The following PLXDC1 variants were observed in gnomAD, a reference collection of about 807,000 sequenced individuals.
The protein encoded by PLXDC1 is plexin domain containing 1.
PLXDC1 carries 39 observed loss-of-function variants against 61.3 expected under a neutral mutation model. That is an observed-to-expected ratio of 0.64 (90% confidence interval 0.49 to 0.83). The LOEUF (loss-of-function observed/expected upper bound fraction) is 0.83. PLXDC1 is among the 40% of genes least tolerant of loss of function. PLXDC1 has a pLI of 0.00. For synonymous variants in PLXDC1, 212 were observed against 254.5 expected, an observed-to-expected ratio of 0.83 and a Z score of 1.59; for missense variants, 596 against 666.5, an observed-to-expected ratio of 0.89 and a Z score of 1.17.
At chr17:39,137,726 C>A (rs928347571) in intron 2 of PLXDC1, among the ~76,000 whole-genome samples, 2 of 152,058 alleles carry the variant, frequency 1.3e-5, no homozygotes, top group African/African-American at 4.8e-5. Flanking sequence ...AAGGATGAAG[C>A]AGGAAAGAGA....
chr17:39,129,688 A>AAAAGAAAGAAAGAAAGAAGGAAAGAAAG (rs1597656686), intron 2 of PLXDC1, among the ~76,000 whole-genome samples: 8 of 65,024 alleles, frequency 1.2e-4, no homozygotes, highest in Non-Finnish European at 1.7e-4. Context: ...AGGGAGAAAG[A>AAAAGAAAGAAAGAAAGAAGGAAAGAAAG]AAAGAAAGAA....
intron 2 of PLXDC1, among the ~76,000 whole-genome samples, chr17:39,136,342 C>T (rs1355810900): frequency 6.6e-6 from 1 of 152,162 alleles, no homozygotes; most frequent in Non-Finnish European, 1.5e-5. Context: ...ATAGAGAATA[C>T]TTCAATGCAA....
intron 7 of PLXDC1, among the ~76,000 whole-genome samples, chr17:39,097,869 T>G (rs1237984212): frequency 6.8e-6 from 1 of 147,120 alleles, no homozygotes; most frequent in Non-Finnish European, 1.5e-5. Flanking sequence ...GCTACTGCAC[T>G]TCGGCCTGAG....
chr17:39,148,443 C>T (rs2045354624), intron 1 of PLXDC1, among the ~76,000 whole-genome samples: 1 of 150,950 alleles, frequency 6.6e-6, no homozygotes, highest in Non-Finnish European at 1.5e-5. Context: ...TGCAGTGGTG[C>T]GATCTCAGCT....
chr17:39,086,749 C>G (rs1909753921), intron 8 of PLXDC1, among the ~76,000 whole-genome samples: 1 of 148,402 alleles, frequency 6.7e-6, no homozygotes, highest in African/African-American at 2.5e-5. Flanking sequence ...GTAATCCCAG[C>G]TACTTGGGAG....
chr17:39,077,974 G>C lies in PLXDC1; in HGVS notation c.1125C>G (p.Pro375=). ...DSASPDTSFS[P]YDGDLTTTSS... is the part of the protein sequence containing the mutation. ...AGGTAGTGGTGAGGTCTCCATCATA[G>C]GGGCTGAAGGAAGTGTCAGGGGAGG... The change falls in exon 11 of 14, where the codon CCC becomes CCG. Residue 375 remains proline, a synonymous_variant. Transcript: ENST00000315392. 1 of 1,613,898 alleles carries C rather than the reference G, an allele frequency of 6.2e-7. No individual in the cohort carries two copies. Among genetic ancestry groups the C allele is most frequent in the Admixed American group, 1.7e-5 (1 of 60,008 alleles).
chr17:39,130,235 T>C (rs1911514791), intron 2 of PLXDC1, among the ~76,000 whole-genome samples: 1 of 152,288 alleles, frequency 6.6e-6, no homozygotes, highest in South Asian at 2.1e-4. Flanking sequence ...GGAGGATCAC[T>C]TGCGTCCAGG....
At chr17:39,149,287 T>C (rs534259395) in intron 1 of PLXDC1, among the ~76,000 whole-genome samples, 9 of 152,262 alleles carry the variant, frequency 5.9e-5, no homozygotes, top group African/African-American at 2.2e-4. Flanking sequence ...CTAGCATCTC[T>C]TCAGGTCCTG....
upstream of PLXDC1, among the ~76,000 whole-genome samples, chr17:39,152,199 C>G (rs1235213898): frequency 2.0e-5 from 3 of 150,578 alleles, no homozygotes; most frequent in Admixed American, 2.0e-4. Context: ...CCATTTCCAG[C>G]ACCGATTTGC....
In PLXDC1 at chr17:39,079,213, C is replaced by G. The variant is rs763587362; in HGVS notation, c.990-49G>C. 23 of 1,516,574 alleles carry G rather than the reference C, an allele frequency of 1.5e-5. No individual in the cohort carries two copies. The African/African-American group carries it at 2.3e-4, about 15-fold the overall frequency. 93.9% of individuals were successfully genotyped at this position (1,516,574 alleles called of 1,614,324 possible). A position where few individuals can be genotyped will look rare whatever the true frequency, so the allele number is the denominator to read the frequency against. ...AGTTATGATGGGATTGACAAAGAAG[C>G]CTTCCCCTTTCACTGTTCAGTAACA... is the stretch of plus-strand genomic sequence containing the variant. On this transcript the variant is annotated intron_variant, in intron 9 of 13. Transcript: ENST00000315392.
chr17:39,152,509 C>A, upstream of PLXDC1: 1 of 1,233,568 alleles, frequency 8.1e-7, no homozygotes, highest in South Asian at 4.0e-5. Flanking sequence ...GGAATCAGGT[C>A]AGGACACGAA....
chr17:39,140,817 T>G (rs528664471), intron 1 of PLXDC1, among the ~76,000 whole-genome samples: 3 of 152,334 alleles, frequency 2.0e-5, no homozygotes, highest in Admixed American at 6.5e-5. Context: ...CTATTGACAT[T>G]TGGACTGGAT....
intron 9 of PLXDC1, chr17:39,080,890 G>A (rs1909532540): frequency 6.6e-6 from 1 of 152,648 alleles, no homozygotes; most frequent in African/African-American, 2.4e-5. Context: ...CATAGTCTCT[G>A]AATTTGGGCA....
At chr17:39,108,363 C>G in intron 4 of PLXDC1, 118 bp from the exon 5 acceptor site, 2 of 1,069,962 alleles carry the variant, frequency 1.9e-6, no homozygotes, top group Admixed American at 1.9e-5. Flanking sequence ...AGCCTGAGAC[C>G]TCTGTCGCCC....
At chr17:39,107,638 G>T in intron 5 of PLXDC1, 113 bp from the exon 6 acceptor site, 2 of 805,866 alleles carry the variant, frequency 2.5e-6, no homozygotes, top group Non-Finnish European at 4.4e-6. Context: ...CGGGATGATG[G>T]GGAAGTTTGC....
In PLXDC1 at chr17:39,067,885, G is replaced by C; in HGVS notation, c.1458C>G (p.Pro486=). 6.2e-7 allele frequency: 1 copy of C among 1,613,854 alleles called. No individual in the cohort carries two copies. Among genetic ancestry groups the C allele is most frequent in the South Asian group, 1.1e-5 (1 of 91,074 alleles). Reference sequence around the variant, plus strand: ...TGAAGCCCTCCTTCTCATGGCCCGAGGGCTCCACCTCCGCATAGGTGGAAT... The same window carrying C: ...TGAAGCCCTCCTTCTCATGGCCCGACGGCTCCACCTCCGCATAGGTGGAAT... ...PDHSTYAEVE[P]SGHEKEGFME... Residue 486 remains proline, a synonymous_variant, in exon 14 of 14, where the codon CCC becomes CCG. Transcript: ENST00000315392.
At chr17:39,076,770 C>G (rs1909354545) in intron 11 of PLXDC1, among the ~76,000 whole-genome samples, 2 of 152,078 alleles carry the variant, frequency 1.3e-5, no homozygotes, top group African/African-American at 4.8e-5. Context: ...GGGTCTTGCC[C>G]TGCCACCCAG....
chr17:39,150,862 G>A (rs2045367932), intron 1 of PLXDC1, among the ~76,000 whole-genome samples: 1 of 152,220 alleles, frequency 6.6e-6, no homozygotes, highest in African/African-American at 2.4e-5. Flanking sequence ...AATGGCTGCT[G>A]CCTTCCCAGG....
At chr17:39,118,705 C>T (rs1336337589) in intron 2 of PLXDC1, among the ~76,000 whole-genome samples, 2 of 152,212 alleles carry the variant, frequency 1.3e-5, no homozygotes, top group Non-Finnish European at 2.9e-5. Context: ...TCCTACATGA[C>T]CCTGTGCTTC....
Sources: gnomAD v4.1 joint callset for allele counts (sites outside exome capture counted in the v4.1 genomes callset) on GRCh38, gnomAD v4.1.1 for gene constraint, MANE v1.5 for transcripts, NCBI Gene and HGNC (gene_info 2026-07-23, HGNC 2026-07-21) for gene names.